Variants in MYLIP observed in about 807,000 individuals in gnomAD.
MYLIP encodes the protein myosin regulatory light chain interacting protein.
In MYLIP, 26 loss-of-function variants were observed where a neutral mutation model predicts 45.8. The ratio of observed to expected loss-of-function variants is 0.57; its 90% CI spans 0.42 to 0.79. MYLIP has a LOEUF of 0.79. MYLIP is among the 30% of genes least tolerant of loss of function. The pLI is 0.00. For missense variants in MYLIP, 494 were observed against 555.6 expected (o/e 0.89, Z 1.11); for synonymous variants, 213 against 218.1 (o/e 0.98, Z 0.21).
chr6:16,150,207 AC>A (rs1226535975), downstream of MYLIP, among the ~76,000 whole-genome samples: 17 of 152,344 alleles, frequency 1.1e-4, no homozygotes, highest in East Asian at 2.9e-3. Context: ...GATAGGGATA[AC>A]GAGGGGCAGA....
rs779459259 is a variant in MYLIP, at chr6:16,141,723, C to G, written c.377C>G (p.Thr126Ser). 1.2e-6 allele frequency: 2 copies of G among 1,614,166 alleles called. No homozygotes were observed. The highest frequency in any genetic ancestry group is 2.2e-5 in the South Asian group (2 of 91,086). Reference sequence around the variant, plus strand: ...GAACTCAGTGCCCTCCTGGCCCAGACCAAGTTTGGAGACTACAACCAGAAC... The same window carrying G: ...GAACTCAGTGCCCTCCTGGCCCAGAGCAAGTTTGGAGACTACAACCAGAAC... The part of the protein sequence containing the change: ...AVELSALLAQ[T>S]KFGDYNQNTA... Residue 126 changes from threonine to serine, a missense_variant, in exon 3 of 7, where the codon ACC becomes AGC. Physicochemically the swap from Thr to Ser is moderately conservative, Grantham distance 58. Coordinates refer to ENST00000356840, the MANE Select transcript of MYLIP (RefSeq NM_013262.4).
At chr6:16,161,817 A>G in the MYLIP span, among the ~76,000 whole-genome samples, 1 of 152,210 alleles carries the variant, frequency 6.6e-6, no homozygotes, top group Admixed American at 6.5e-5. Flanking sequence ...TATGAAACTT[A>G]CCCCTTTATA....
intron 6 of MYLIP, 29 bp downstream of exon 6, chr6:16,145,346 T>C: frequency 6.4e-7 from 1 of 1,550,622 alleles, no homozygotes; most frequent in African/African-American, 1.4e-5. Context: ...CACTTTTGCC[T>C]GCAGCCTCAC....
At chr6:16,158,966 G>A in the MYLIP span, among the ~76,000 whole-genome samples, 1 of 152,200 alleles carries the variant, frequency 6.6e-6, no homozygotes, top group Non-Finnish European at 1.5e-5. Flanking sequence ...TTAACACTGT[G>A]CCCAGAATAT....
intron 2 of MYLIP, among the ~76,000 whole-genome samples, chr6:16,138,035 TAAAGA>T (rs1759590502): frequency 6.6e-6 from 1 of 152,204 alleles, no homozygotes; most frequent in South Asian, 2.1e-4. Context: ...GGGTAAAACT[TAAAGA>T]AGAGTCATGA....
At chr6:16,130,295 G>C (rs964457569) in intron 1 of MYLIP, among the ~76,000 whole-genome samples, 20 of 152,116 alleles carry the variant, frequency 1.3e-4, no homozygotes, top group Admixed American at 2.0e-4. Context: ...CTCATCTTTT[G>C]GAAGGCTACT....
the MYLIP span, among the ~76,000 whole-genome samples, chr6:16,162,785 TAAAAAA>T: frequency 1.4e-5 from 1 of 69,618 alleles, no homozygotes; most frequent in Non-Finnish European, 2.3e-5. Flanking sequence ...ACCTCAACTC[TAAAAAA>T]AAAAAAAAAA....
chr6:16,141,861 G>T, intron 3 of MYLIP, 51 bp downstream of exon 3: 8 of 1,474,152 alleles, frequency 5.4e-6, no homozygotes, highest in African/African-American at 1.4e-5. Flanking sequence ...GCTTAAACAG[G>T]ATGAAACTAA....
Position 16,146,847 on chromosome 6 carries a change from ACCC to A in MYLIP, c.*97_*99del. ...TTGTGGAGAAAGTAATTATTCCAAC[ACCC>A]ATCTGCCATGCGATGTTAAAAAAAA... On this transcript the variant is annotated 3_prime_UTR_variant, in exon 7 of 7. Coordinates refer to ENST00000356840, the MANE Select transcript of MYLIP (RefSeq NM_013262.4). 1 of 1,056,922 alleles carries A rather than the reference ACCC, an allele frequency of 9.5e-7. No individual in the cohort carries two copies. Among genetic ancestry groups the A allele is most frequent in the Non-Finnish European group, 1.4e-6 (1 of 733,696 alleles). 65.5% of individuals were successfully genotyped at this position (1,056,922 alleles called of 1,614,324 possible).
chr6:16,149,515 C>T (rs769049042), downstream of MYLIP, among the ~76,000 whole-genome samples: 1 of 152,246 alleles, frequency 6.6e-6, no homozygotes, highest in Non-Finnish European at 1.5e-5. Flanking sequence ...GCACAGTCTG[C>T]TGGGGCTGGC....
chr6:16,153,021 A>G (rs942241727), downstream of MYLIP, among the ~76,000 whole-genome samples: 40 of 152,144 alleles, frequency 2.6e-4, no homozygotes, highest in African/African-American at 8.9e-4. Context: ...AGCCCTACTG[A>G]TAAGGTCAGT....
At chr6:16,160,180 G>A in the MYLIP span, among the ~76,000 whole-genome samples, 1 of 152,094 alleles carries the variant, frequency 6.6e-6, no homozygotes, top group African/African-American at 2.4e-5. Flanking sequence ...TGTCTTCATT[G>A]TAGTGGTGGT....
In MYLIP at chr6:16,129,519, C is replaced by A; in HGVS notation, c.87+110C>A. The A allele has an allele frequency of 9.3e-7, 1 of 1,073,196 alleles. No homozygotes were observed. The highest frequency in any genetic ancestry group is 1.3e-6 in the Non-Finnish European group (1 of 760,912). The allele number at this position is 1,073,196 out of a possible 1,614,324, so 66.5% of individuals were successfully genotyped here. On this transcript the variant is annotated intron_variant, in intron 1 of 6. Transcript: ENST00000356840. The surrounding 1 kb of genome is among the most constrained non-coding windows in gnomAD (Gnocchi z 5.1). The stretch of plus-strand genomic sequence containing the variant: ...CCCTACTAGGGGCCGGGAGGCACTG[C>A]GGCGGCAGCCGGGGGGAGCGCGTCC...
At chr6:16,150,573 A>G (rs1361201747), downstream of MYLIP, among the ~76,000 whole-genome samples, 3 of 152,184 alleles carry the variant, frequency 2.0e-5, no homozygotes, top group Non-Finnish European at 4.4e-5. Flanking sequence ...GCATGCTTGT[A>G]GTTCCAGCTA....
chr6:16,160,202 T>G, the MYLIP span, among the ~76,000 whole-genome samples: 3 of 152,200 alleles, frequency 2.0e-5, no homozygotes, highest in African/African-American at 7.2e-5. Flanking sequence ...GTCACACAAC[T>G]CTATGAATTT....
chr6:16,143,603 G>C, intron 4 of MYLIP, 96 bp from the exon 5 acceptor site: 1 of 1,312,094 alleles, frequency 7.6e-7, no homozygotes, highest in Non-Finnish European at 1.1e-6. Context: ...TGATTTTTCT[G>C]CTAGGTCATG....
the MYLIP span, among the ~76,000 whole-genome samples, chr6:16,154,782 T>C: frequency 4.9e-3 from 749 of 152,328 alleles, 7 homozygotes; most frequent in African/African-American, 0.017. Context: ...TCCTCATTAA[T>C]GAGGGCTCTT....
Position 16,145,149 on chromosome 6 carries a change from C to T in MYLIP, c.1080C>T (p.Cys360=). 8 of 1,614,228 alleles carry T rather than the reference C, an allele frequency of 5.0e-6. No homozygotes were observed. The highest frequency in any genetic ancestry group is 6.8e-6 in the Non-Finnish European group (8 of 1,180,034). The change falls in exon 6 of 7, where the codon TGC becomes TGT. Residue 360 remains cysteine, a synonymous_variant. Transcript: ENST00000356840. ...AGTCCTCAGAAAGCAGCATGAACTG[C>T]AGCAGCTGCGAGGGCCTCAGCTGCC... The part of the protein sequence containing the change: ...PLKSSESSMN[C]SSCEGLSCQQ...
chr6:16,149,427 G>C (rs1425639709), downstream of MYLIP, among the ~76,000 whole-genome samples: 1 of 152,228 alleles, frequency 6.6e-6, no homozygotes, highest in African/African-American at 2.4e-5. Context: ...AAGGATAAAG[G>C]TGCTTCATAA....
Sources: allele counts gnomAD v4.1 joint callset (sites outside exome capture counted in the v4.1 genomes callset), GRCh38; gene constraint gnomAD v4.1.1; non-coding constraint Gnocchi (gnomAD v3.1); transcripts MANE v1.5; gene names NCBI Gene and HGNC (gene_info 2026-07-23, HGNC 2026-07-21).